TARS1: variants seen among roughly 807,000 people sequenced by gnomAD.
The protein encoded by TARS1 is threonine--tRNA ligase 1, cytoplasmic.
Under a neutral mutation model 97.7 loss-of-function variants are expected in TARS1, and 57 were observed. That is an observed-to-expected ratio of 0.58 (90% confidence interval 0.47 to 0.73). The LOEUF is 0.73. TARS1 is among the 30% of genes least tolerant of loss of function. The pLI, the probability that TARS1 is intolerant of heterozygous loss-of-function variation, is 0.00. For synonymous variants in TARS1, 312 were observed against 293.7 expected (o/e 1.06, Z -0.64); for missense variants, 806 against 888.3 (o/e 0.91, Z 1.18).
At chr5:33,460,707 A>C (rs1029324355) in intron 11 of TARS1, among the ~76,000 whole-genome samples, 195 bp from the exon 12 acceptor site, 2 of 152,228 alleles carry the variant, frequency 1.3e-5, no homozygotes, top group Non-Finnish European at 2.9e-5. Flanking sequence ...ACTGTGGTTC[A>C]TTGAGTTATA....
intron 1 of TARS1, among the ~76,000 whole-genome samples, chr5:33,443,320 CCTCTCTCTCTCTCTCTCTCTCT>C (rs769681224): frequency 8.4e-6 from 1 of 118,486 alleles, no homozygotes; most frequent in African/African-American, 3.2e-5. Context: ...TCTCTCTCTC[CCTCTCTCTCTCTCTCTCTCTCT>C]CTCTCTCTCT....
intron 1 of TARS1, 140 bp downstream of exon 1, chr5:33,441,283 C>T: frequency 3.0e-6 from 3 of 989,690 alleles, no homozygotes; most frequent in South Asian, 1.5e-5. Context: ...TGGTGGGACT[C>T]CTGGAAAGTC....
intron 3 of TARS1, among the ~76,000 whole-genome samples, chr5:33,453,045 A>G (rs1166389236): frequency 6.6e-6 from 1 of 152,230 alleles, no homozygotes; most frequent in Middle Eastern, 3.4e-3. Context: ...GAGTTGCCAT[A>G]TCTGCTTAAA....
chr5:33,462,582 G>A (rs540815144), intron 16 of TARS1, among the ~76,000 whole-genome samples: 5 of 152,236 alleles, frequency 3.3e-5, no homozygotes, highest in South Asian at 4.1e-4. Flanking sequence ...GGCTTTCTTC[G>A]TTCAGCCTTG....
At chr5:33,464,717 G>T (rs1404358458) in intron 17 of TARS1, among the ~76,000 whole-genome samples, 3 of 151,910 alleles carry the variant, frequency 2.0e-5, no homozygotes, top group Non-Finnish European at 4.4e-5. Context: ...AGGGTGTGAT[G>T]ATTGTGCTTG....
At chr5:33,448,214 C>T (rs1291550285) in intron 2 of TARS1, among the ~76,000 whole-genome samples, 2 of 152,126 alleles carry the variant, frequency 1.3e-5, no homozygotes, top group South Asian at 2.1e-4. Context: ...GTTTTTATTT[C>T]CAGTATTGTT....
chr5:33,458,562 C>A lies in TARS1; in HGVS notation c.985-4C>A, dbSNP rs377166415. 44 of 1,610,524 alleles carry A rather than the reference C, an allele frequency of 2.7e-5. No homozygotes were observed. Among genetic ancestry groups the A allele is most frequent in the Non-Finnish European group, 3.7e-5 (44 of 1,178,930 alleles). On this transcript the variant is annotated splice_polypyrimidine_tract_variant and splice_region_variant and intron_variant, in intron 9 of 18. Transcript: ENST00000265112. The stretch of plus-strand genomic sequence containing the variant: ...AAACATTCTTTTGCTTTTCTTTTAC[C>A]CAGGACCAAGAACTATATTTCTTTC...
At position 33,453,206 on chromosome 5, in the gene TARS1, A is replaced by G. The variant is rs1487536219; in HGVS notation, c.330-83A>G. 6 of 1,343,920 alleles carry G rather than the reference A, an allele frequency of 4.5e-6. No homozygotes were observed. The African/African-American group carries it at 7.5e-5, about 17-fold the overall frequency. 83.2% of individuals were successfully genotyped at this position (1,343,920 alleles called of 1,614,324 possible). A position where few individuals can be genotyped will look rare whatever the true frequency, so the allele number is the denominator to read the frequency against. On this transcript the variant is annotated intron_variant, in intron 3 of 18. Coordinates refer to ENST00000265112, the MANE Select transcript of TARS1 (RefSeq NM_152295.5). ...TATAAAAAAACAATATATAATAAAA[A>G]TAGTGTTTATTTTCCTGTTTTCAAA... is the stretch of plus-strand genomic sequence containing the variant.
chr5:33,458,511 TAC>T lies in TARS1; in HGVS notation c.985-48_985-47del, dbSNP rs1209559696. ...AAGAACACTGAAATTTATGTATATA[TAC>T]ACACACGTATACGTGACGTACATAA... On this transcript the variant is annotated intron_variant, in intron 9 of 18. Coordinates refer to ENST00000265112, the MANE Select transcript of TARS1 (RefSeq NM_152295.5). 7 of 1,471,824 alleles carry T rather than the reference TAC, an allele frequency of 4.8e-6. No homozygotes were observed. In the East Asian group the frequency reaches 6.8e-5, roughly 14 times the overall value. The allele number at this position is 1,471,824 out of a possible 1,614,324, so 91.2% of individuals were successfully genotyped here. A position where few individuals can be genotyped will look rare whatever the true frequency, so the allele number is the denominator to read the frequency against.
At chr5:33,461,435 T>G in intron 13 of TARS1, 140 bp downstream of exon 13, 5 of 1,273,000 alleles carry the variant, frequency 3.9e-6, no homozygotes, top group Non-Finnish European at 5.4e-6. Flanking sequence ...AGCTAGTTTT[T>G]TTCTTTATGA....
At chr5:33,461,559 A>G in intron 13 of TARS1, 108 bp from the exon 14 acceptor site, 1 of 1,177,922 alleles carries the variant, frequency 8.5e-7, no homozygotes, top group Non-Finnish European at 1.2e-6. Flanking sequence ...ATTCTAAAGC[A>G]GAGAATATTG....
In TARS1 at chr5:33,453,285, T is replaced by C; in HGVS notation, c.330-4T>C. The C allele has an allele frequency of 1.3e-6, 2 of 1,522,890 alleles. No homozygotes were observed. The highest frequency in any genetic ancestry group is 8.7e-7 in the Non-Finnish European group (1 of 1,143,432). 94.3% of individuals were successfully genotyped at this position (1,522,890 alleles called of 1,614,324 possible). A position where few individuals can be genotyped will look rare whatever the true frequency, so the allele number is the denominator to read the frequency against. On this transcript the variant is annotated splice_region_variant and splice_polypyrimidine_tract_variant and intron_variant, in intron 3 of 18. Transcript: ENST00000265112. ...GGACTTTTTTTTTTTTTTTTTTTTT[T>C]AAGTCAAGGCCTGGCCGACAACACC...
At chr5:33,442,323 T>C (rs1396808387) in intron 1 of TARS1, among the ~76,000 whole-genome samples, 2 of 109,126 alleles carry the variant, frequency 1.8e-5, no homozygotes, top group Non-Finnish European at 4.0e-5. Flanking sequence ...TTTGTAACTT[T>C]TTTTTTTTTT....
intron 8 of TARS1, among the ~76,000 whole-genome samples, chr5:33,456,468 C>G (rs370619678): frequency 2.6e-5 from 4 of 152,202 alleles, no homozygotes; most frequent in Middle Eastern, 3.2e-3. Context: ...CAAAATCATA[C>G]AGCATGGGCC....
rs1332680642 is a variant in TARS1, at chr5:33,459,711, G to A, written c.1100G>A (p.Arg367Lys). The A allele has an allele frequency of 1.2e-6, 2 of 1,614,120 alleles. No homozygotes were observed. The highest frequency in any genetic ancestry group is 1.7e-6 in the Non-Finnish European group (2 of 1,180,000). ...TTCTATCAGAGCGAATATAGGAAAA[G>A]AGGATTCCAGGAGGTAGTCACCCCA... is the stretch of plus-strand genomic sequence containing the variant. Reference protein sequence around the residue: ...IEFIRSEYRKRGFQEVVTPNI... With the variant: ...IEFIRSEYRKKGFQEVVTPNI... The change falls in exon 11 of 19, where the codon AGA (arginine) becomes AAA (lysine). Residue 367 changes from arginine (R) to lysine (K), a missense_variant. This residue lies in a region of TARS1 where 446 missense variants were observed against 511.0 expected (regional missense o/e 0.87). Coordinates refer to ENST00000265112, the MANE Select transcript of TARS1 (RefSeq NM_152295.5).
At chr5:33,440,774 A>T (rs1017968646), upstream of TARS1, 5 of 483,098 alleles carry the variant, frequency 1.0e-5, no homozygotes, top group Non-Finnish European at 1.8e-5. Flanking sequence ...CGTCCAGACC[A>T]AGGTCAGCGG....
rs1742540507 is a variant in TARS1, at chr5:33,466,665, A to C, written c.1909-206A>C. ...ACTGAAAACATTGTTTACTTAATAC[A>C]CATGACCTGAGGTAATAAAGAGGAG... is the stretch of plus-strand genomic sequence containing the variant. On this transcript the variant is annotated intron_variant, in intron 17 of 18. Coordinates refer to ENST00000265112, the MANE Select transcript of TARS1 (RefSeq NM_152295.5). 3 of 393,198 alleles carry C rather than the reference A, an allele frequency of 7.6e-6. No individual in the cohort carries two copies. The East Asian group carries it at 1.2e-4, about 16-fold the overall frequency. 24.4% of individuals were successfully genotyped at this position (393,198 alleles called of 1,614,324 possible).
At chr5:33,447,891 A>G (rs3777078) in intron 2 of TARS1, among the ~76,000 whole-genome samples, 77,587 of 152,082 alleles carry the variant, frequency 0.51, 21,058 homozygotes, top group East Asian at 0.75. Context: ...TGACAGTAGA[A>G]GAAGTCAGCT....
At chr5:33,454,491 C>T (rs771750375) in intron 4 of TARS1, among the ~76,000 whole-genome samples, 3 of 152,088 alleles carry the variant, frequency 2.0e-5, no homozygotes, top group Non-Finnish European at 2.9e-5. Context: ...GTTGTACCAC[C>T]TTTGTTTTGG....
Sources: allele counts gnomAD v4.1 joint callset (sites outside exome capture counted in the v4.1 genomes callset), GRCh38; gene constraint gnomAD v4.1.1; regional missense constraint gnomAD v4.1.1; transcripts MANE v1.5; gene names NCBI Gene and HGNC (gene_info 2026-07-23, HGNC 2026-07-21).